PARD3: variants seen among roughly 807,000 people sequenced by gnomAD.
The protein encoded by PARD3 is par-3 family cell polarity regulator, also known as partitioning defective 3 homolog.
A neutral mutation model predicts 155.4 loss-of-function variants in PARD3; 75 were observed. That is an observed-to-expected ratio of 0.48 (90% confidence interval 0.40 to 0.58). The LOEUF (loss-of-function observed/expected upper bound fraction) is 0.58, where lower values mean the gene tolerates loss of function less well. PARD3 is among the 20% of genes least tolerant of loss of function. PARD3 has a pLI of 0.00. For missense variants in PARD3, 1,642 were observed against 1,721.7 expected, an observed-to-expected ratio of 0.95 and a Z score of 0.82; for synonymous variants, 576 against 610.5, an observed-to-expected ratio of 0.94 and a Z score of 0.83.
At chr10:34,179,070 T>C (rs1950154968) in intron 22 of PARD3, among the ~76,000 whole-genome samples, 1 of 151,922 alleles carries the variant, frequency 6.6e-6, no homozygotes, top group African/African-American at 2.4e-5. Context: ...CAAGGGAAAA[T>C]ACCAAAATAG....
intron 22 of PARD3, among the ~76,000 whole-genome samples, chr10:34,133,507 A>G (rs1947726893): frequency 6.6e-6 from 1 of 152,196 alleles, no homozygotes; most frequent in Admixed American, 6.5e-5. Context: ...TCTTCTTATC[A>G]TATATACCCT....
chr10:34,648,491 T>C (rs1488078102), intron 2 of PARD3, among the ~76,000 whole-genome samples: 1 of 152,148 alleles, frequency 6.6e-6, no homozygotes, highest in Non-Finnish European at 1.5e-5. Context: ...TAAGACAATT[T>C]TTCCACAAAT....
intron 3 of PARD3, among the ~76,000 whole-genome samples, chr10:34,504,984 T>C (rs965355353): frequency 6.6e-6 from 1 of 152,078 alleles, no homozygotes; most frequent in African/African-American, 2.4e-5. Context: ...CTGTGTGACA[T>C]GCACCAACAG....
intron 21 of PARD3, among the ~76,000 whole-genome samples, chr10:34,280,705 G>C (rs1471259423): frequency 1.3e-5 from 2 of 152,066 alleles, no homozygotes; most frequent in Admixed American, 6.6e-5. Flanking sequence ...AGGAGTCAAC[G>C]GTCTTTACTT....
At chr10:34,658,618 G>GA (rs528554337) in intron 2 of PARD3, among the ~76,000 whole-genome samples, 188 of 152,064 alleles carry the variant, frequency 1.2e-3, no homozygotes, top group South Asian at 3.5e-3. Context: ...TGGACAGGGG[G>GA]AAAAAATCTA....
chr10:34,700,906 C>T (rs542327219), intron 1 of PARD3, among the ~76,000 whole-genome samples: 19 of 152,050 alleles, frequency 1.2e-4, no homozygotes, highest in Non-Finnish European at 2.5e-4. Context: ...ACCTGGGAGG[C>T]GGAGGTTGCA....
chr10:34,347,423 T>C (rs1837547261), intron 15 of PARD3, among the ~76,000 whole-genome samples: 1 of 152,022 alleles, frequency 6.6e-6, no homozygotes, highest in Admixed American at 6.6e-5. Flanking sequence ...AGAAGACTAG[T>C]TTCGCGATTT....
intron 20 of PARD3, among the ~76,000 whole-genome samples, chr10:34,290,853 T>A (rs577652209): frequency 6.6e-6 from 1 of 152,194 alleles, no homozygotes; most frequent in Non-Finnish European, 1.5e-5. Context: ...GGCCTCAAGA[T>A]CCTGTACAGC....
intron 2 of PARD3, among the ~76,000 whole-genome samples, chr10:34,535,896 T>G (rs1177283735): frequency 6.6e-6 from 1 of 152,100 alleles, no homozygotes; most frequent in Admixed American, 6.6e-5. Flanking sequence ...ATTTTGTTGG[T>G]ACAAAAATGC....
At chr10:34,487,893 G>A (rs544223876) in intron 3 of PARD3, among the ~76,000 whole-genome samples, 2 of 152,174 alleles carry the variant, frequency 1.3e-5, no homozygotes, top group South Asian at 4.2e-4. Flanking sequence ...ACTATTGATT[G>A]CATTGCAGAT....
chr10:34,658,359 GAAAACAAATCAC>G (rs1009890115), intron 2 of PARD3, among the ~76,000 whole-genome samples: 1 of 152,034 alleles, frequency 6.6e-6, no homozygotes. Flanking sequence ...ATCGAGTAAG[GAAAACAAATCAC>G]AAAACAAATC....
At chr10:34,603,782 G>C (rs541495690) in intron 2 of PARD3, among the ~76,000 whole-genome samples, 10 of 152,304 alleles carry the variant, frequency 6.6e-5, no homozygotes, top group Admixed American at 2.0e-4. Context: ...AAATTTGCAT[G>C]TGGTACTCAC....
chr10:34,666,236 T>A lies in PARD3; in HGVS notation c.222+30082A>T, dbSNP rs544424147. ...TCTTATCAAAAAAAAAAAAGCCAAT[T>A]CTCAAAGAAAAATCCCCATTTAAGT... On this transcript the variant is annotated intron_variant, in intron 2 of 24. Transcript: ENST00000374788. Among the ~76,000 whole-genome samples, 5 of 898 alleles carry A rather than the reference T, an allele frequency of 5.6e-3. No individual in the cohort carries two copies. In the South Asian group the frequency reaches 0.36, roughly 64 times the overall value. 0.6% of individuals were successfully genotyped at this position (898 alleles called of 152,430 possible). A position where few individuals can be genotyped will look rare whatever the true frequency, so the allele number is the denominator to read the frequency against.
chr10:34,341,531 TA>T (rs376634834), intron 16 of PARD3, 95 bp downstream of exon 16: 139 of 882,582 alleles, frequency 1.6e-4, no homozygotes, highest in Middle Eastern at 3.7e-4. Context: ...ACAGAGCTAT[TA>T]AAAAAATGAT....
At chr10:34,463,025 G>C (rs2077758231) in intron 4 of PARD3, among the ~76,000 whole-genome samples, 1 of 75,450 alleles carries the variant, frequency 1.3e-5, no homozygotes, top group Non-Finnish European at 2.5e-5. Flanking sequence ...GTAGGAAAGG[G>C]AACGAGGAGG....
At chr10:34,605,551 ATATATCTCC>A (rs1391488798) in intron 2 of PARD3, among the ~76,000 whole-genome samples, 22 of 78,886 alleles carry the variant, frequency 2.8e-4, no homozygotes, top group African/African-American at 1.9e-3. Flanking sequence ...ATATATATAT[ATATATCTCC>A]TATATATATA....
chr10:34,626,267 G>A (rs947014335), intron 2 of PARD3, among the ~76,000 whole-genome samples: 4 of 152,168 alleles, frequency 2.6e-5, no homozygotes, highest in South Asian at 2.1e-4. Flanking sequence ...ATTCTCTCAC[G>A]CGTTCATGGA....
chr10:34,245,198 C>G (rs1163574652), intron 22 of PARD3, among the ~76,000 whole-genome samples: 2 of 152,128 alleles, frequency 1.3e-5, no homozygotes, highest in Non-Finnish European at 2.9e-5. Context: ...ACTAAAAGTA[C>G]TAAATTTGCA....
At chr10:34,336,623 A>G (rs1208955118) in intron 17 of PARD3, among the ~76,000 whole-genome samples, 3 of 152,136 alleles carry the variant, frequency 2.0e-5, no homozygotes, top group African/African-American at 7.2e-5. Context: ...CAGTGTATAA[A>G]TATAATTAAT....
Sources: allele counts gnomAD v4.1 joint callset (sites outside exome capture counted in the v4.1 genomes callset), GRCh38; gene constraint gnomAD v4.1.1; transcripts MANE v1.5; gene names NCBI Gene and HGNC (gene_info 2026-07-23, HGNC 2026-07-21).